The following TMEM45A variants were observed in gnomAD, a reference collection of about 807,000 sequenced individuals.
TMEM45A encodes transmembrane protein 45A.
In TMEM45A, 25 loss-of-function variants were observed where a neutral mutation model predicts 32.0. The ratio of observed to expected loss-of-function variants is 0.78; its 90% CI spans 0.57 to 1.09. The LOEUF is 1.09. Ranked by LOEUF, TMEM45A falls within the 50% of genes least tolerant of loss-of-function variation. TMEM45A has a pLI of 0.00. For synonymous variants in TMEM45A, 122 were observed against 114.8 expected (o/e 1.06, Z -0.40); for missense variants, 302 against 325.0 (o/e 0.93, Z 0.54).
At chr3:100,561,589 A>C (rs73141152) in intron 4 of TMEM45A, among the ~76,000 whole-genome samples, 1 of 152,138 alleles carries the variant, frequency 6.6e-6, no homozygotes, top group African/African-American at 2.4e-5. Flanking sequence ...ACCTAGCCAC[A>C]TCATGCAATT....
rs553894606 is a variant in TMEM45A at position 100,503,766 on chromosome 3, C to T, written c.-4+10838C>T. 2.0e-4 allele frequency among the ~76,000 whole-genome samples: 31 copies of T among 152,186 alleles called. No individual in the cohort carries two copies. The South Asian group carries it at 3.9e-3, about 19-fold the overall frequency. On this transcript the variant is annotated intron_variant, in intron 1 of 5. Coordinates refer to ENST00000323523, the MANE Select transcript of TMEM45A (RefSeq NM_018004.3). The stretch of plus-strand genomic sequence containing the variant: ...CTTCTCAGGCTTCTTCTTGTTTTAC[C>T]CTCATGGACAACTTGTCGGGAAGAG...
intron 4 of TMEM45A, among the ~76,000 whole-genome samples, chr3:100,567,705 A>G (rs1187083845): frequency 6.6e-6 from 1 of 152,110 alleles, no homozygotes; most frequent in Non-Finnish European, 1.5e-5. Flanking sequence ...TTGGTGTACA[A>G]GTCTTAAACC....
chr3:100,517,664 G>A (rs969230537), intron 1 of TMEM45A, among the ~76,000 whole-genome samples: 1 of 152,192 alleles, frequency 6.6e-6, no homozygotes, highest in African/African-American at 2.4e-5. Flanking sequence ...TTATTACTGT[G>A]GATGTGATTT....
intron 1 of TMEM45A, among the ~76,000 whole-genome samples, chr3:100,494,495 AC>A (rs1707894175): frequency 6.6e-6 from 1 of 152,080 alleles, no homozygotes; most frequent in African/African-American, 2.4e-5. Flanking sequence ...GGTGGTGCGC[AC>A]CTGTAATCCC....
intron 4 of TMEM45A, among the ~76,000 whole-genome samples, chr3:100,565,586 T>C (rs1473628056): frequency 6.6e-6 from 1 of 152,098 alleles, no homozygotes; most frequent in Non-Finnish European, 1.5e-5. Flanking sequence ...AGGGTAATAA[T>C]ACATCCTTGA....
chr3:100,564,326 G>A (rs1470128934), intron 4 of TMEM45A, among the ~76,000 whole-genome samples: 1 of 152,184 alleles, frequency 6.6e-6, no homozygotes, highest in Non-Finnish European at 1.5e-5. Context: ...AATGGAGACT[G>A]CATGCTTCCA....
rs755848570 is a variant in TMEM45A at position 100,492,755 on chromosome 3, T to TCCCCCCCC, written c.-175_-174insCCCCCCCC. ...CGACTAGGGACCCAAGTTTAAAAAT[T>TCCCCCCCC]CCTCCCCCCACCCAATGCGAGACGT... On this transcript the variant is annotated 5_prime_UTR_variant, in exon 1 of 6. Coordinates refer to ENST00000323523, the MANE Select transcript of TMEM45A (RefSeq NM_018004.3). 290 of 143,534 alleles carry TCCCCCCCC rather than the reference T, an allele frequency of 2.0e-3. No homozygotes were observed. Among genetic ancestry groups the TCCCCCCCC allele is most frequent in the African/African-American group, 3.0e-3 (109 of 36,916 alleles). 8.9% of individuals were successfully genotyped at this position (143,534 alleles called of 1,614,324 possible).
chr3:100,576,745 C>T (rs1359037256), intron 5 of TMEM45A, among the ~76,000 whole-genome samples, 180 bp from the exon 6 acceptor site: 1 of 152,074 alleles, frequency 6.6e-6, no homozygotes, highest in Non-Finnish European at 1.5e-5. Flanking sequence ...TTACTTATAC[C>T]CTGCTTTAAT....
chr3:100,565,544 C>T (rs773727182), intron 4 of TMEM45A, among the ~76,000 whole-genome samples: 11 of 151,552 alleles, frequency 7.3e-5, no homozygotes, highest in East Asian at 1.9e-4. Context: ...ATTTTATTAT[C>T]GAGATAATAA....
intron 1 of TMEM45A, among the ~76,000 whole-genome samples, chr3:100,536,618 C>T (rs763010469): frequency 3.7e-4 from 57 of 152,160 alleles, no homozygotes; most frequent in Admixed American, 7.2e-4. Context: ...TATTCTCACA[C>T]GTACCTCTGA....
intron 1 of TMEM45A, among the ~76,000 whole-genome samples, chr3:100,546,905 C>T (rs1705989615): frequency 6.6e-6 from 1 of 152,162 alleles, no homozygotes; most frequent in Non-Finnish European, 1.5e-5. Flanking sequence ...GAGTAGGTCA[C>T]TAAATACCTT....
rs117285994 is a variant in TMEM45A at position 100,570,377 on chromosome 3, G to A, written c.734+1410G>A. Among the ~76,000 whole-genome samples, 84 of 152,318 alleles carry A rather than the reference G, an allele frequency of 5.5e-4. 2 individuals carry two copies. The South Asian group carries it at 9.1e-3, about 17-fold the overall frequency. ...GAAGCAGCTCTGGTGCTGAGGCACC[G>A]GGTGAAGAAATCATTCCTTTGTCTA... On this transcript the variant is annotated intron_variant, in intron 5 of 5. Coordinates refer to ENST00000323523, the MANE Select transcript of TMEM45A (RefSeq NM_018004.3).
chr3:100,572,954 G>A (rs1218367229), intron 5 of TMEM45A: 29 of 151,418 alleles, frequency 1.9e-4, no homozygotes, highest in African/African-American at 2.2e-4. Flanking sequence ...TGTTCCATTG[G>A]TCTATATCTC....
At chr3:100,523,661 C>G (rs1705478938) in intron 1 of TMEM45A, among the ~76,000 whole-genome samples, 1 of 149,938 alleles carries the variant, frequency 6.7e-6, no homozygotes, top group Non-Finnish European at 1.5e-5. Flanking sequence ...TCCTCCTTCT[C>G]TTCTTCCTCC....
At chr3:100,554,173 TC>T (rs934437106) in intron 1 of TMEM45A, among the ~76,000 whole-genome samples, 1 of 151,840 alleles carries the variant, frequency 6.6e-6, no homozygotes, top group South Asian at 2.1e-4. Context: ...CTCACATAAT[TC>T]TTTTTTTTTT....
At chr3:100,546,236 G>T (rs1378458831) in intron 1 of TMEM45A, among the ~76,000 whole-genome samples, 1 of 152,144 alleles carries the variant, frequency 6.6e-6, no homozygotes, top group African/African-American at 2.4e-5. Flanking sequence ...GGCATGTAGG[G>T]GCAGCTTTGC....
chr3:100,527,663 T>C (rs1255437088), intron 1 of TMEM45A, among the ~76,000 whole-genome samples: 2 of 152,314 alleles, frequency 1.3e-5, no homozygotes, highest in East Asian at 1.9e-4. Context: ...TTAGTATCTG[T>C]TGATTGAGAA....
At chr3:100,529,115 C>T (rs1162829897) in intron 1 of TMEM45A, among the ~76,000 whole-genome samples, 8 of 152,172 alleles carry the variant, frequency 5.3e-5, no homozygotes, top group African/African-American at 1.9e-4. Context: ...CACAAACACT[C>T]CTTTCCCCCA....
chr3:100,498,553 A>G (rs572795452), intron 1 of TMEM45A, among the ~76,000 whole-genome samples: 1 of 152,134 alleles, frequency 6.6e-6, no homozygotes, highest in Non-Finnish European at 1.5e-5. Context: ...CCAATTCTCA[A>G]AATCAATCTG....
Sources: allele counts gnomAD v4.1 joint callset (sites outside exome capture counted in the v4.1 genomes callset), GRCh38; gene constraint gnomAD v4.1.1; transcripts MANE v1.5; gene names NCBI Gene and HGNC (gene_info 2026-07-23, HGNC 2026-07-21).